Variants in TANC2 observed in about 807,000 individuals in gnomAD.
TANC2 encodes the protein tetratricopeptide repeat, ankyrin repeat and coiled-coil containing 2, also known as protein TANC2.
Under a neutral mutation model 210.5 loss-of-function variants are expected in TANC2, and 26 were observed. That is an observed-to-expected ratio of 0.12 (90% CI 0.09 to 0.17). TANC2 has a LOEUF of 0.17. Ranked by LOEUF, TANC2 falls within the 10% of genes least tolerant of loss-of-function variation. The pLI is 1.00. For missense variants in TANC2, 2,129 were observed against 2,608.9 expected, an observed-to-expected ratio of 0.82 and a Z score of 4.01; for synonymous variants, 931 against 967.1, an observed-to-expected ratio of 0.96 and a Z score of 0.69.
intron 4 of TANC2, among the ~76,000 whole-genome samples, chr17:63,101,321 C>CA (rs1242551435): frequency 1.3e-5 from 2 of 152,140 alleles, no homozygotes; most frequent in African/African-American, 4.8e-5. Flanking sequence ...CATTAATTAT[C>CA]AAAATGCAAT....
intron 4 of TANC2, among the ~76,000 whole-genome samples, chr17:63,128,859 GAAATTTGTGTTTAGTA>G (rs1050065626): frequency 7.9e-5 from 12 of 152,160 alleles, no homozygotes; most frequent in Admixed American, 7.2e-4. Context: ...ATTGTGAGTG[GAAATTTGTGTTTAGTA>G]ACGTGTCATT....
intron 7 of TANC2, among the ~76,000 whole-genome samples, chr17:63,226,950 G>A (rs1434405501): frequency 6.6e-6 from 1 of 152,116 alleles, no homozygotes; most frequent in Non-Finnish European, 1.5e-5. Context: ...TTTTATGGCT[G>A]CATAGTATTC....
intron 3 of TANC2, among the ~76,000 whole-genome samples, chr17:63,081,712 C>T (rs2036777430): frequency 6.6e-6 from 1 of 152,136 alleles, no homozygotes. Context: ...TAATCTTAAG[C>T]TCTTGGAATA....
At chr17:63,177,264 C>CAA (rs755034454) in intron 5 of TANC2, among the ~76,000 whole-genome samples, 1,045 of 72,908 alleles carry the variant, frequency 0.014, 34 homozygotes, top group African/African-American at 0.039. Context: ...GACTCTGTCT[C>CAA]AAAAAAAAAA....
At chr17:63,265,234 T>G (rs1248097825) in intron 8 of TANC2, among the ~76,000 whole-genome samples, 3 of 152,218 alleles carry the variant, frequency 2.0e-5, no homozygotes, top group Non-Finnish European at 4.4e-5. Context: ...GAGCATTTCA[T>G]ATTTCAGATT....
chr17:63,425,106 T>A (rs527971392), exon 28 of TANC2: 2 of 87,468 alleles, frequency 2.3e-5, no homozygotes, highest in Non-Finnish European at 5.2e-5. Flanking sequence ...ATTTTGTATC[T>A]GCTGTTGTAT....
At chr17:63,065,009 C>T (rs2036145875) in intron 2 of TANC2, among the ~76,000 whole-genome samples, 1 of 152,128 alleles carries the variant, frequency 6.6e-6, no homozygotes, top group Non-Finnish European at 1.5e-5. Context: ...AAACTAAACT[C>T]AATACCCTTT....
intron 15 of TANC2, among the ~76,000 whole-genome samples, chr17:63,387,700 T>G (rs780985604): frequency 6.6e-6 from 1 of 152,238 alleles, no homozygotes; most frequent in Non-Finnish European, 1.5e-5. Flanking sequence ...GTAAGATGAT[T>G]GTCAGAGAGT....
chr17:63,208,492 ATTCTG>A (rs1006840399), intron 7 of TANC2, among the ~76,000 whole-genome samples: 10 of 152,216 alleles, frequency 6.6e-5, no homozygotes, highest in African/African-American at 2.4e-4. Flanking sequence ...ATTCTCGGCT[ATTCTG>A]TACCCTTTCT....
chr17:63,354,393 G>T (rs3809721), intron 13 of TANC2, among the ~76,000 whole-genome samples: 90,853 of 152,040 alleles, frequency 0.6, 29,665 homozygotes, highest in African/African-American at 0.86. Flanking sequence ...TTCTAAGCCA[G>T]TCTTTGAATC....
intron 2 of TANC2, among the ~76,000 whole-genome samples, chr17:63,011,016 C>T (rs1390193894): frequency 1.3e-5 from 2 of 152,118 alleles, no homozygotes; most frequent in Admixed American, 6.6e-5. Flanking sequence ...GCCCATCTCT[C>T]CTCTCTAGAA....
At chr17:63,193,567 T>C (rs374930282) in intron 5 of TANC2, among the ~76,000 whole-genome samples, 1 of 152,230 alleles carries the variant, frequency 6.6e-6, no homozygotes, top group East Asian at 1.9e-4. Flanking sequence ...TTAATGCTTG[T>C]AATGCTAATG....
intron 4 of TANC2, among the ~76,000 whole-genome samples, chr17:63,134,789 T>G (rs903221275): frequency 5.3e-5 from 8 of 152,334 alleles, no homozygotes; most frequent in African/African-American, 1.9e-4. Flanking sequence ...GTTACTGTGT[T>G]TTTTACTTTA....
chr17:63,223,693 C>T (rs1306828446), intron 7 of TANC2, among the ~76,000 whole-genome samples: 1 of 152,004 alleles, frequency 6.6e-6, no homozygotes, highest in African/African-American at 2.4e-5. Context: ...TGCCCTAGTG[C>T]GTTGCCATGG....
At chr17:63,348,282 C>T (rs1338899717) in intron 12 of TANC2, among the ~76,000 whole-genome samples, 1 of 152,192 alleles carries the variant, frequency 6.6e-6, no homozygotes, top group Non-Finnish European at 1.5e-5. Flanking sequence ...TTATTTCTCT[C>T]AGGCACCTAG....
chr17:63,023,918 A>G (rs915576762), intron 2 of TANC2, among the ~76,000 whole-genome samples: 3 of 152,192 alleles, frequency 2.0e-5, no homozygotes, highest in South Asian at 2.1e-4. Context: ...ATTTGTAGCA[A>G]TTCTGTAATA....
At chr17:63,336,794 A>G (rs918929642) in intron 11 of TANC2, among the ~76,000 whole-genome samples, 2 of 152,246 alleles carry the variant, frequency 1.3e-5, no homozygotes, top group Non-Finnish European at 2.9e-5. Flanking sequence ...AATTTAAACA[A>G]GTTACTTTGA....
Position 63,183,318 on chromosome 17 carries a change from A to G in TANC2, c.434-10673A>G, listed in dbSNP as rs546898649. Among the ~76,000 whole-genome samples the G allele has an allele frequency of 4.6e-5, 7 of 152,372 alleles. No homozygotes were observed. The South Asian group carries it at 1.4e-3, about 32-fold the overall frequency. Reference sequence around the variant, plus strand: ...TTTTTTTCTGTCAAGTGAAGTTAACATTGCCAGCATGGCAGCATGAATCTT... The same window carrying G: ...TTTTTTTCTGTCAAGTGAAGTTAACGTTGCCAGCATGGCAGCATGAATCTT... On this transcript the variant is annotated intron_variant, in intron 5 of 27. Coordinates refer to ENST00000689528, the Ensembl canonical transcript of TANC2.
rs984034849 is a variant in TANC2 at position 63,231,965 on chromosome 17, C to A, written c.770-5849C>A. Among the ~76,000 whole-genome samples the A allele has an allele frequency of 1.2e-4, 18 of 152,108 alleles. No individual in the cohort carries two copies. In the South Asian group the frequency reaches 1.2e-3, roughly 10 times the overall value. Reference sequence around the variant, plus strand: ...GATTTTGTTCATTCCTTTTCATCTTCTTTTCTCTAATCTTTTCTGCCTGTC... The same window carrying A: ...GATTTTGTTCATTCCTTTTCATCTTATTTTCTCTAATCTTTTCTGCCTGTC... On this transcript the variant is annotated intron_variant, in intron 7 of 27. Transcript: ENST00000689528.
Sources: gnomAD v4.1 joint callset for allele counts (sites outside exome capture counted in the v4.1 genomes callset) on GRCh38, gnomAD v4.1.1 for gene constraint, MANE v1.5 for transcripts, NCBI Gene and HGNC (gene_info 2026-07-23, HGNC 2026-07-21) for gene names.